The following IL1RAPL1 variants were observed in gnomAD, a reference collection of about 807,000 sequenced individuals.
IL1RAPL1 encodes the protein interleukin 1 receptor accessory protein like 1.
In IL1RAPL1, 3 loss-of-function variants were observed where a neutral mutation model predicts 48.4. The observed-to-expected ratio is 0.06, with a 90% CI of 0.03 to 0.16. The LOEUF is 0.16. Among genes scored for constraint, IL1RAPL1 ranks in the 10% least tolerant of loss-of-function variants. The pLI is 1.00. For synonymous variants in IL1RAPL1, 185 were observed against 187.7 expected (o/e 0.99, Z 0.12); for missense variants, 349 against 530.6 (o/e 0.66, Z 3.36).
At chrX:28,957,958 C>T (rs1271607302) in intron 2 of IL1RAPL1, among the ~76,000 whole-genome samples, 1 of 108,610 alleles carries the variant, frequency 9.2e-6, no homozygotes, top group African/African-American at 3.4e-5. Flanking sequence ...GACTTCCTCT[C>T]AAAAAATAAA....
chrX:29,236,771 G>A (rs1328723331), intron 2 of IL1RAPL1, among the ~76,000 whole-genome samples: 10 of 102,305 alleles, frequency 9.8e-5, no homozygotes, highest in South Asian at 4.7e-4. Flanking sequence ...GGGTTTCACC[G>A]TGTTAGCCAG....
intron 6 of IL1RAPL1, among the ~76,000 whole-genome samples, chrX:29,789,330 C>G (rs1418806704): frequency 1.8e-5 from 2 of 111,797 alleles, no homozygotes; most frequent in Admixed American, 1.9e-4. Context: ...GCAAAGTTCT[C>G]CAATATGACA....
intron 5 of IL1RAPL1, among the ~76,000 whole-genome samples, chrX:29,525,269 C>A (rs912839381): frequency 8.9e-6 from 1 of 111,745 alleles, no homozygotes; most frequent in Non-Finnish European, 1.9e-5. Context: ...AATCTGATGC[C>A]CAATGAATTT....
intron 3 of IL1RAPL1, among the ~76,000 whole-genome samples, chrX:29,395,579 C>G (rs939288246): frequency 1.8e-5 from 2 of 111,933 alleles, no homozygotes; most frequent in Non-Finnish European, 1.9e-5. Flanking sequence ...TCTGTAGAAT[C>G]TGTCTATCAG....
chrX:28,959,457 GTGTT>G (rs924059327), intron 2 of IL1RAPL1, among the ~76,000 whole-genome samples: 1 of 111,670 alleles, frequency 9.0e-6, no homozygotes, highest in African/African-American at 3.2e-5. Context: ...GTATAAGAGA[GTGTT>G]TGTTTCATCC....
intron 5 of IL1RAPL1, among the ~76,000 whole-genome samples, chrX:29,569,006 T>C (rs1414470787): frequency 2.7e-5 from 3 of 111,456 alleles, no homozygotes; most frequent in African/African-American, 9.8e-5. Context: ...TACTGAGCTT[T>C]GATAGCCACT....
intron 2 of IL1RAPL1, among the ~76,000 whole-genome samples, chrX:28,828,771 T>G (rs1920988763): frequency 8.9e-6 from 1 of 112,215 alleles, no homozygotes; most frequent in African/African-American, 3.2e-5. Context: ...GTTTTGAAAT[T>G]GGGAAATATG....
intron 6 of IL1RAPL1, among the ~76,000 whole-genome samples, chrX:29,706,353 A>G (rs772280987): frequency 1.8e-5 from 2 of 111,622 alleles, no homozygotes; most frequent in South Asian, 3.8e-4. Flanking sequence ...ACTCATTCCA[A>G]CTTTAACTCA....
chrX:29,203,098 G>A (rs1413596116), intron 2 of IL1RAPL1, among the ~76,000 whole-genome samples: 1 of 111,699 alleles, frequency 9.0e-6, no homozygotes, highest in Non-Finnish European at 1.9e-5. Context: ...CTAGGTGAGA[G>A]GATTTTTAAA....
At chrX:28,959,041 G>A (rs866752551) in intron 2 of IL1RAPL1, among the ~76,000 whole-genome samples, 6 of 110,585 alleles carry the variant, frequency 5.4e-5, no homozygotes, top group Non-Finnish European at 1.1e-4. Flanking sequence ...ATCAAGATAC[G>A]TGACGATCAG....
intron 2 of IL1RAPL1, among the ~76,000 whole-genome samples, chrX:28,905,518 A>C (rs1211232852): frequency 8.9e-6 from 1 of 111,752 alleles, no homozygotes; most frequent in African/African-American, 3.2e-5. Flanking sequence ...TTTTCCTACA[A>C]TTGGGGTGGG....
At chrX:29,410,259 G>C (rs28546393) in intron 5 of IL1RAPL1, among the ~76,000 whole-genome samples, 1 of 108,905 alleles carries the variant, frequency 9.2e-6, no homozygotes, top group Non-Finnish European at 1.9e-5. Flanking sequence ...TCAAGAGATC[G>C]AGACCATCCT....
intron 5 of IL1RAPL1, among the ~76,000 whole-genome samples, chrX:29,600,457 T>G (rs1156733601): frequency 2.7e-5 from 3 of 111,800 alleles, no homozygotes; most frequent in Admixed American, 9.4e-5. Context: ...GTTAGGGTCC[T>G]TGGTTGTATT....
chrX:29,783,030 A>G (rs761815918), intron 6 of IL1RAPL1, among the ~76,000 whole-genome samples: 82 of 100,677 alleles, frequency 8.1e-4, no homozygotes, highest in African/African-American at 1.8e-3. Flanking sequence ...TCAGCCTCCC[A>G]AGTAGCTGGG....
chrX:29,075,826 C>G (rs772379530), intron 2 of IL1RAPL1, among the ~76,000 whole-genome samples: 1 of 111,612 alleles, frequency 9.0e-6, no homozygotes, highest in African/African-American at 3.2e-5. Flanking sequence ...AGGACTGATT[C>G]ATAGAAAAAA....
intron 6 of IL1RAPL1, among the ~76,000 whole-genome samples, chrX:29,777,166 T>C (rs1447863220): frequency 8.9e-6 from 1 of 112,309 alleles, no homozygotes; most frequent in Non-Finnish European, 1.9e-5. Flanking sequence ...ACTGGCTCTT[T>C]GTACAAATAA....
chrX:29,617,760 A>T lies in IL1RAPL1; in HGVS notation c.704-50670A>T, dbSNP rs1441975929. 4.5e-5 allele frequency among the ~76,000 whole-genome samples: 5 copies of T among 111,910 alleles called. No homozygotes were observed. The East Asian group carries it at 1.4e-3, about 31-fold the overall frequency. On this transcript the variant is annotated intron_variant, in intron 5 of 10. Coordinates refer to ENST00000378993, the MANE Select transcript of IL1RAPL1 (RefSeq NM_014271.4). ...CTTTAGCGTTCCTAGAGTTGTTTTC[A>T]TCAGTTATTTAAGTAAGAATGCCCG... is the stretch of plus-strand genomic sequence containing the variant.
At chrX:29,027,847 A>T (rs951592763) in intron 2 of IL1RAPL1, among the ~76,000 whole-genome samples, 3 of 110,931 alleles carry the variant, frequency 2.7e-5, no homozygotes, top group Non-Finnish European at 5.7e-5. Flanking sequence ...CTTTGGTAAC[A>T]TGTCTGTTAA....
intron 3 of IL1RAPL1, among the ~76,000 whole-genome samples, chrX:29,316,864 A>G (rs1419991337): frequency 4.5e-5 from 5 of 111,344 alleles, no homozygotes. Context: ...TGGTATCTTA[A>G]TGTTGCAGAG....
Sources: gnomAD v4.1 joint callset for allele counts (sites outside exome capture counted in the v4.1 genomes callset) on GRCh38, gnomAD v4.1.1 for gene constraint, MANE v1.5 for transcripts, NCBI Gene and HGNC (gene_info 2026-07-23, HGNC 2026-07-21) for gene names.